Variants in TTC21B observed in about 807,000 individuals in gnomAD.
The protein encoded by TTC21B is tetratricopeptide repeat domain 21B, also known as tetratricopeptide repeat protein 21B.
In TTC21B, 127 loss-of-function variants were observed where a neutral mutation model predicts 175.1. That is an observed-to-expected ratio of 0.73 (90% CI 0.63 to 0.84). The LOEUF is 0.84. Among genes scored for constraint, TTC21B ranks in the 40% least tolerant of loss-of-function variants. The pLI is 0.00. For synonymous variants in TTC21B, 524 were observed against 524.5 expected (o/e 1.00, Z 0.01); for missense variants, 1,561 against 1,558.3 (o/e 1.00, Z -0.03).
At chr2:165,898,173 G>GA (rs897596782) in intron 22 of TTC21B, among the ~76,000 whole-genome samples, 2 of 151,800 alleles carry the variant, frequency 1.3e-5, no homozygotes, top group Non-Finnish European at 2.9e-5. Context: ...ATGCTGATTA[G>GA]AAAAAAAATG....
intron 14 of TTC21B, among the ~76,000 whole-genome samples, chr2:165,916,171 T>C (rs952384269): frequency 8.5e-5 from 13 of 152,116 alleles, no homozygotes; most frequent in African/African-American, 3.1e-4. Context: ...ACTGAGATGG[T>C]AAAATCTCTT....
At chr2:165,932,630 T>C (rs180794051) in intron 7 of TTC21B, among the ~76,000 whole-genome samples, 1 of 152,138 alleles carries the variant, frequency 6.6e-6, no homozygotes, top group Admixed American at 6.6e-5. Flanking sequence ...ATACATACTT[T>C]CTCATATCTA....
intron 27 of TTC21B, among the ~76,000 whole-genome samples, chr2:165,877,760 C>A (rs1684714000): frequency 6.6e-6 from 1 of 151,718 alleles, no homozygotes; most frequent in South Asian, 2.1e-4. Context: ...TATATCTCTA[C>A]ACACACACAC....
At chr2:165,933,314 TA>T (rs573664604) in intron 6 of TTC21B, among the ~76,000 whole-genome samples, 40 of 152,308 alleles carry the variant, frequency 2.6e-4, no homozygotes, top group Non-Finnish European at 5.0e-4. Context: ...GTGGCAATCC[TA>T]AATAAAATAT....
rs149325238 is a variant in TTC21B, at chr2:165,917,480, A to C, written c.1676T>G (p.Val559Gly). 516 of 1,602,986 alleles carry C rather than the reference A, an allele frequency of 3.2e-4. 2 individuals carry two copies. In the African/African-American group the frequency reaches 6.1e-3, roughly 19 times the overall value. ...LELCLSYDFK[V>G]RDYPLYHLIK... ...CAAATGGTATAAAGGATAGTCTCTC[A>C]CCTGAAGAATAATATTTAATATTTC... Residue 559 changes from valine (V) to glycine (G), a missense_variant and splice_region_variant, in exon 14 of 29, where the codon GTG becomes GGG. By Grantham distance (109) the Val-to-Gly change is moderately radical (BLOSUM62 -3). Transcript: ENST00000243344.
rs750972450 is a variant in TTC21B at position 165,917,268 on chromosome 2, T to C, written c.1888A>G (p.Asn630Asp). The C allele has an allele frequency of 6.2e-7, 1 of 1,614,116 alleles. No homozygotes were observed. Among genetic ancestry groups the C allele is most frequent in the Non-Finnish European group, 8.5e-7 (1 of 1,179,964 alleles). ...FLELIDVHRLNGEQHEATKVL... is the reference protein window; with the variant it reads ...FLELIDVHRLDGEQHEATKVL... ...AAAACTTGACCTACCTGCTCTCCAT[T>C]TAAGCGGTGAACGTCTATCAATTCA... The change falls in exon 14 of 29, where the codon AAT (asparagine) becomes GAT (aspartate). Residue 630 changes from asparagine (N) to aspartate (D), a missense_variant. Coordinates refer to ENST00000243344, the MANE Select transcript of TTC21B (RefSeq NM_024753.5).
At chr2:165,940,912 A>G (rs1687340006) in intron 6 of TTC21B, 115 bp downstream of exon 6, 1 of 1,112,672 alleles carries the variant, frequency 9.0e-7, no homozygotes, top group Admixed American at 2.0e-5. Context: ...TCGGTTCCAC[A>G]CTGTTTGAAA....
intron 7 of TTC21B, among the ~76,000 whole-genome samples, chr2:165,932,628 T>G (rs188234729): frequency 1.4e-4 from 21 of 152,164 alleles, no homozygotes; most frequent in Non-Finnish European, 8.8e-5. Flanking sequence ...GCATACATAC[T>G]TTCTCATATC....
chr2:165,931,995 G>A (rs1686927709), intron 7 of TTC21B, 139 bp from the exon 8 acceptor site: 1 of 659,888 alleles, frequency 1.5e-6, no homozygotes, highest in African/African-American at 1.8e-5. Context: ...CTCCTTCAAT[G>A]GATGATTATA....
Position 165,874,625 on chromosome 2 carries a change from C to A in TTC21B, c.*130G>T, listed in dbSNP as rs1237610357. 8.9e-6 allele frequency: 7 copies of A among 787,938 alleles called. No homozygotes were observed. Among genetic ancestry groups the A allele is most frequent in the Non-Finnish European group, 1.5e-5 (7 of 461,276 alleles). 48.8% of individuals were successfully genotyped at this position (787,938 alleles called of 1,614,324 possible). ...TACTTCTCTTGATGTACAGCAGCAA[C>A]CTCTGCTGGAGAAAAAAGGGTATAC... On this transcript the variant is annotated 3_prime_UTR_variant, in exon 29 of 29. Transcript: ENST00000243344.
Position 165,880,742 on chromosome 2 carries a change from T to A in TTC21B, c.3742A>T (p.Thr1248Ser), listed in dbSNP as rs1684808847. The A allele has an allele frequency of 3.1e-6, 5 of 1,613,394 alleles. No individual in the cohort carries two copies. The highest frequency in any genetic ancestry group is 4.2e-6 in the Non-Finnish European group (5 of 1,179,680). Residue 1248 changes from threonine to serine, a missense_variant, in exon 27 of 29, where the codon ACA becomes TCA. Transcript: ENST00000243344. ...GYIMEKEQAY[T>S]DAALNYEMAW... ...ATCTCATAGTTCAAGGCAGCATCTG[T>A]ATATGCTTGCTCTTTTTCCATAATG...
intron 14 of TTC21B, 105 bp from the exon 15 acceptor site, chr2:165,915,544 TATA>T: frequency 1.0e-6 from 1 of 974,224 alleles, no homozygotes; most frequent in Non-Finnish European, 1.6e-6. Flanking sequence ...CTAGTACATT[TATA>T]ATATTTACGA....
intron 24 of TTC21B, among the ~76,000 whole-genome samples, chr2:165,889,941 G>T (rs916316809): frequency 3.3e-5 from 5 of 152,058 alleles, no homozygotes; most frequent in Non-Finnish European, 2.9e-5. Context: ...AGCTACTAAT[G>T]CAGGTTGATA....
chr2:165,906,019 T>C (rs951737246), intron 19 of TTC21B, among the ~76,000 whole-genome samples: 1 of 152,086 alleles, frequency 6.6e-6, no homozygotes, highest in Non-Finnish European at 1.5e-5. Context: ...TAGAAGTCAG[T>C]ATCAAAAAGA....
intron 5 of TTC21B, among the ~76,000 whole-genome samples, chr2:165,941,958 G>A (rs533393772): frequency 1.3e-5 from 2 of 152,160 alleles, no homozygotes; most frequent in African/African-American, 2.4e-5. Context: ...GTTTTACTAT[G>A]TTCATGTATC....
In TTC21B at chr2:165,911,891, C is replaced by T. The variant is rs371213867; in HGVS notation, c.2323-426G>A. Among the ~76,000 whole-genome samples the T allele has an allele frequency of 3.7e-4, 57 of 152,234 alleles. 2 individuals are homozygous for T. The South Asian group carries it at 0.011, about 29-fold the overall frequency. On this transcript the variant is annotated intron_variant, in intron 17 of 28. Transcript: ENST00000243344. ...TGTTGGCCAGGCTGGTTTCAAACTC[C>T]TGAACTCAATTGATCCACCCGTCTT...
At chr2:165,935,489 A>T (rs12476570) in intron 6 of TTC21B, among the ~76,000 whole-genome samples, 1 of 152,086 alleles carries the variant, frequency 6.6e-6, no homozygotes, top group East Asian at 1.9e-4. Flanking sequence ...AATGCTACTC[A>T]GTTTTAAAAT....
intron 22 of TTC21B, among the ~76,000 whole-genome samples, chr2:165,897,746 C>G (rs1685418041): frequency 6.6e-6 from 1 of 152,028 alleles, no homozygotes; most frequent in African/African-American, 2.4e-5. Context: ...TACGAGTGTT[C>G]TAATATTTAA....
chr2:165,944,668 C>T (rs1383220721), intron 4 of TTC21B, among the ~76,000 whole-genome samples: 1 of 152,156 alleles, frequency 6.6e-6, no homozygotes, highest in African/African-American at 2.4e-5. Flanking sequence ...CAATCAGATA[C>T]AAATATTTTT....
Sources: allele counts gnomAD v4.1 joint callset (sites outside exome capture counted in the v4.1 genomes callset), GRCh38; gene constraint gnomAD v4.1.1; transcripts MANE v1.5; gene names NCBI Gene and HGNC (gene_info 2026-07-23, HGNC 2026-07-21).